The following PLA2G2C variants were observed in gnomAD, a reference collection of about 807,000 sequenced individuals.
PLA2G2C encodes the protein putative inactive group IIC secretory phospholipase A2.
In PLA2G2C, 15 loss-of-function variants were observed where a neutral mutation model predicts 14.3. That is an observed-to-expected ratio of 1.05 (90% CI 0.70 to 1.62). The LOEUF (loss-of-function observed/expected upper bound fraction) is 1.62, where lower values mean the gene tolerates loss of function less well. Among genes scored for constraint, PLA2G2C ranks in the 40% most tolerant of loss-of-function variants. PLA2G2C has a pLI of 0.00. For synonymous variants in PLA2G2C, 79 were observed against 67.7 expected (o/e 1.17, Z -0.82); for missense variants, 162 against 173.2 (o/e 0.94, Z 0.36).
In PLA2G2C at chr1:20,163,725, C is replaced by G. The variant is rs537653814; in HGVS notation, c.*266G>C. 2.2e-6 allele frequency: 1 copy of G among 447,144 alleles called. No homozygotes were observed. The highest frequency in any genetic ancestry group is 2.0e-5 in the African/African-American group (1 of 50,266). The allele number at this position is 447,144 out of a possible 1,614,324, so 27.7% of individuals were successfully genotyped here. A position where few individuals can be genotyped will look rare whatever the true frequency, so the allele number is the denominator to read the frequency against. On this transcript the variant is annotated 3_prime_UTR_variant, in exon 5 of 5. Transcript: ENST00000679259. ...TGTGTCTCTTACTTCTATATCCATG[C>G]ATTTGTAGTCCTCCCCACTCCACAG...
intron 1 of PLA2G2C, among the ~76,000 whole-genome samples, chr1:20,183,594 ATC>A (rs1232634427): frequency 6.6e-6 from 1 of 152,270 alleles, no homozygotes; most frequent in African/African-American, 2.4e-5. Flanking sequence ...GCACAGCACC[ATC>A]TTGGGCATGT....
At chr1:20,174,930 A>G in intron 3 of PLA2G2C, 77 bp downstream of exon 3, 1 of 1,383,698 alleles carries the variant, frequency 7.2e-7, no homozygotes, top group Non-Finnish European at 9.8e-7. Flanking sequence ...CAAGAATCCT[A>G]ACACCCTCTC....
At chr1:20,179,980 G>C (rs1209053695) in intron 1 of PLA2G2C, among the ~76,000 whole-genome samples, 4 of 149,490 alleles carry the variant, frequency 2.7e-5, no homozygotes, top group East Asian at 2.0e-4. Context: ...GTTTCTCTCT[G>C]TGTGTGTGTT....
chr1:20,167,334 A>G (rs918698189), intron 4 of PLA2G2C, among the ~76,000 whole-genome samples: 1 of 152,150 alleles, frequency 6.6e-6, no homozygotes, highest in Admixed American at 6.5e-5. Context: ...GACTCACACC[A>G]AACTCTTGCT....
chr1:20,185,527 C>T (rs561111537), intron 1 of PLA2G2C, among the ~76,000 whole-genome samples: 1 of 152,100 alleles, frequency 6.6e-6, no homozygotes, highest in East Asian at 1.9e-4. Context: ...CTGGGGACAT[C>T]AAAGGAGGTG....
At chr1:20,172,691 T>C in intron 4 of PLA2G2C, 103 bp downstream of exon 4, 2 of 1,021,542 alleles carry the variant, frequency 2.0e-6, no homozygotes, top group Non-Finnish European at 2.9e-6. Context: ...TCCAAGCACT[T>C]GGAAGCATTT....
chr1:20,183,150 C>G (rs910930748), intron 1 of PLA2G2C, among the ~76,000 whole-genome samples: 2 of 152,256 alleles, frequency 1.3e-5, no homozygotes, highest in Admixed American at 6.5e-5. Context: ...GTAGCCCTCA[C>G]TAAGCACTTG....
At chr1:20,185,026 C>T (rs1205606437) in intron 1 of PLA2G2C, among the ~76,000 whole-genome samples, 2 of 152,054 alleles carry the variant, frequency 1.3e-5, no homozygotes, top group South Asian at 2.1e-4. Flanking sequence ...TGGTGGTGCA[C>T]GCCTGTAGTC....
At chr1:20,185,649 C>G (rs1392699832) in intron 1 of PLA2G2C, among the ~76,000 whole-genome samples, 1 of 152,152 alleles carries the variant, frequency 6.6e-6, no homozygotes, top group African/African-American at 2.4e-5. Flanking sequence ...GCCCTGCTCC[C>G]CGCAACTCAG....
In PLA2G2C at chr1:20,164,090, T is replaced by C. The variant is rs762103274; in HGVS notation, c.351A>G (p.Gln117=). 2.5e-6 allele frequency: 4 copies of C among 1,613,918 alleles called. No individual in the cohort carries two copies. The highest frequency in any genetic ancestry group is 1.7e-5 in the Admixed American group (1 of 60,030). Residue 117 remains glutamine (Q), a synonymous_variant, in exon 5 of 5, where the codon CAA becomes CAG. Transcript: ENST00000679259. ...GGCTCTCTTTGAAGCAGTGCACGGA[T>C]TGCTTGTCACACTCACAGGCCTTCA... The part of the protein sequence containing the change: ...CRLKACECDK[Q]SVHCFKESLP...
At chr1:20,183,265 C>T (rs1473826885) in intron 1 of PLA2G2C, among the ~76,000 whole-genome samples, 2 of 152,192 alleles carry the variant, frequency 1.3e-5, no homozygotes, top group East Asian at 1.9e-4. Flanking sequence ...ATTTACCTAA[C>T]GTCTTCAGCT....
chr1:20,163,140 T>C lies in PLA2G2C; in HGVS notation c.*851A>G, dbSNP rs1159847540. ...GCTCAGCTGGACAGTTGTTTTGGTC[T>C]CAGCCAGGTTCCCTCACACATCTGT... On this transcript the variant is annotated 3_prime_UTR_variant, in exon 5 of 5. Coordinates refer to ENST00000679259, the MANE Select transcript of PLA2G2C (RefSeq NM_001367969.2). 6.6e-6 allele frequency: 1 copy of C among 152,264 alleles called. No homozygotes were observed. Among genetic ancestry groups the C allele is most frequent in the African/African-American group, 2.4e-5 (1 of 41,458 alleles). The allele number at this position is 152,264 out of a possible 1,614,324, so 9.4% of individuals were successfully genotyped here.
intron 1 of PLA2G2C, among the ~76,000 whole-genome samples, chr1:20,179,919 T>G (rs1301162359): frequency 2.6e-5 from 4 of 151,360 alleles, no homozygotes; most frequent in Non-Finnish European, 5.9e-5. Context: ...AGCTTCTCCC[T>G]TCCTTGTATG....
intron 4 of PLA2G2C, among the ~76,000 whole-genome samples, chr1:20,167,063 T>C (rs1009593253): frequency 3.9e-5 from 6 of 152,234 alleles, no homozygotes; most frequent in African/African-American, 1.4e-4. Context: ...TCTTGCTGCA[T>C]GAACTACATC....
chr1:20,168,809 T>G (rs1163052214), intron 4 of PLA2G2C, among the ~76,000 whole-genome samples: 1 of 152,166 alleles, frequency 6.6e-6, no homozygotes, highest in Non-Finnish European at 1.5e-5. Flanking sequence ...CTGAGTGAGC[T>G]TAAAGTCCCT....
intron 3 of PLA2G2C, among the ~76,000 whole-genome samples, chr1:20,174,034 C>T (rs1463049309): frequency 1.3e-5 from 2 of 152,196 alleles, no homozygotes; most frequent in Non-Finnish European, 2.9e-5. Context: ...GTCAAATGGG[C>T]TGGTATCACT....
In PLA2G2C at chr1:20,168,986, C is replaced by T. The variant is rs2018024027; in HGVS notation, c.283+3808G>A. Reference sequence around the variant, plus strand: ...AGTGACATTTAGAGTCGTGGACAGACCAAGTTGTTTTCTTCCTCTCCCTCC... The same window carrying T: ...AGTGACATTTAGAGTCGTGGACAGATCAAGTTGTTTTCTTCCTCTCCCTCC... On this transcript the variant is annotated intron_variant, in intron 4 of 4. Coordinates refer to ENST00000679259, the MANE Select transcript of PLA2G2C (RefSeq NM_001367969.2). Among the ~76,000 whole-genome samples the T allele has an allele frequency of 2.0e-5, 3 of 152,256 alleles. No individual in the cohort carries two copies. In the South Asian group the frequency reaches 6.2e-4, roughly 32 times the overall value.
At chr1:20,169,400 G>A (rs1003575043) in intron 4 of PLA2G2C, among the ~76,000 whole-genome samples, 65 of 152,056 alleles carry the variant, frequency 4.3e-4, no homozygotes, top group African/African-American at 1.4e-3. Context: ...GGCTGGTCTC[G>A]AACTCCTGGG....
intron 1 of PLA2G2C, among the ~76,000 whole-genome samples, chr1:20,177,883 C>A (rs895998494): frequency 1.3e-5 from 2 of 152,198 alleles, no homozygotes; most frequent in African/African-American, 4.8e-5. Flanking sequence ...ACCTTGGTTT[C>A]TTCTCTTGCA....
Sources: allele counts gnomAD v4.1 joint callset (sites outside exome capture counted in the v4.1 genomes callset), GRCh38; gene constraint gnomAD v4.1.1; transcripts MANE v1.5; gene names NCBI Gene and HGNC (gene_info 2026-07-23, HGNC 2026-07-21).